The following BTAF1 variants were observed in gnomAD, a reference collection of about 807,000 sequenced individuals.
BTAF1 encodes the protein B-TFIID TATA-box binding protein associated factor 1, also known as TATA-binding protein-associated factor 172.
BTAF1 carries 38 observed loss-of-function variants against 227.1 expected under a neutral mutation model. The observed-to-expected ratio is 0.17, with a 90% CI of 0.13 to 0.22. The LOEUF is 0.22. Among genes scored for constraint, BTAF1 ranks in the 10% least tolerant of loss-of-function variants. The pLI, the probability that BTAF1 is intolerant of heterozygous loss-of-function variation, is 1.00. For missense variants in BTAF1, 1,598 were observed against 2,204.0 expected (o/e 0.73, Z 5.51); for synonymous variants, 742 against 751.9 (o/e 0.99, Z 0.21).
rs1175689657 is a variant in BTAF1 at position 91,982,703 on chromosome 10, C to G, written c.2165C>G (p.Ser722Cys). ...CTACTCTTCCATTTGAACTCCAAGT[C>G]TGCTTTACAGAGGATTAGTGTAGCT... The part of the protein sequence containing the change: ...QLLLFHLNSK[S>C]ALQRISVALV... Residue 722 changes from serine (S) to cysteine (C), a missense_variant, in exon 18 of 38, where the codon TCT becomes TGT. Coordinates refer to ENST00000265990, the MANE Select transcript of BTAF1 (RefSeq NM_003972.3). 4 of 1,613,842 alleles carry G rather than the reference C, an allele frequency of 2.5e-6. No individual in the cohort carries two copies. The highest frequency in any genetic ancestry group is 1.3e-5 in the African/African-American group (1 of 74,906).
chr10:92,013,615 G>A, intron 30 of BTAF1, 52 bp from the exon 31 acceptor site: 1 of 1,608,568 alleles, frequency 6.2e-7, no homozygotes, highest in East Asian at 2.2e-5. Context: ...TACTTTTTTA[G>A]TTGTAAGGAA....
At chr10:91,995,289 T>C (rs1312534084) in intron 23 of BTAF1, among the ~76,000 whole-genome samples, 1 of 152,090 alleles carries the variant, frequency 6.6e-6, no homozygotes, top group South Asian at 2.1e-4. Context: ...AGGGAGAATC[T>C]ATGAGAGGGT....
At chr10:91,955,889 A>T (rs1846053318) in intron 6 of BTAF1, among the ~76,000 whole-genome samples, 1 of 152,138 alleles carries the variant, frequency 6.6e-6, no homozygotes, top group Non-Finnish European at 1.5e-5. Context: ...AGATGGAGAG[A>T]GGGGAGAAGT....
In BTAF1 at chr10:91,962,688, A is replaced by T; in HGVS notation, c.1404+10A>T. ...TCTTCAGACACAAAAGGTAAATTAA[A>T]TATTTTTACAGTTTCTTACTATAGA... On this transcript the variant is annotated intron_variant, in intron 12 of 37. Transcript: ENST00000265990. The T allele has an allele frequency of 1.3e-6, 2 of 1,579,346 alleles. No individual in the cohort carries two copies. Among genetic ancestry groups the T allele is most frequent in the Non-Finnish European group, 1.7e-6 (2 of 1,165,892 alleles).
intron 14 of BTAF1, among the ~76,000 whole-genome samples, chr10:91,967,109 A>G (rs1199225733): frequency 2.6e-5 from 4 of 152,194 alleles, no homozygotes; most frequent in Non-Finnish European, 2.9e-5. Context: ...GGCAGAACCC[A>G]TGGCCCAGGT....
chr10:91,997,017 AG>A, intron 24 of BTAF1: 1 of 873,102 alleles, frequency 1.1e-6, no homozygotes, highest in Non-Finnish European at 1.6e-6. Context: ...AGAAATATAC[AG>A]GCAAGCCCTT....
At chr10:91,947,216 T>C (rs1845432999) in intron 4 of BTAF1, among the ~76,000 whole-genome samples, 1 of 152,226 alleles carries the variant, frequency 6.6e-6, no homozygotes, top group Non-Finnish European at 1.5e-5. Flanking sequence ...ATAAAAGTTT[T>C]AAATTTTTAT....
intron 25 of BTAF1, among the ~76,000 whole-genome samples, chr10:92,001,233 CAG>C (rs1383389428): frequency 6.6e-6 from 1 of 152,180 alleles, no homozygotes; most frequent in East Asian, 1.9e-4. Flanking sequence ...ATTAGCAAAA[CAG>C]AGTACCTGAA....
At chr10:91,947,088 C>T (rs10882006) in intron 4 of BTAF1, among the ~76,000 whole-genome samples, 41,567 of 152,118 alleles carry the variant, frequency 0.27, 6,940 homozygotes, top group Non-Finnish European at 0.38. Context: ...GGTGAACCAC[C>T]GGCCTTGGCT....
At chr10:91,948,633 T>G (rs1036088761) in intron 4 of BTAF1, among the ~76,000 whole-genome samples, 6 of 151,480 alleles carry the variant, frequency 4.0e-5, no homozygotes, top group Non-Finnish European at 8.8e-5. Context: ...TCTCCCACCT[T>G]GGCCTCCCAA....
chr10:91,952,877 T>C (rs549864932), intron 5 of BTAF1, among the ~76,000 whole-genome samples: 1 of 152,196 alleles, frequency 6.6e-6, no homozygotes, highest in South Asian at 2.1e-4. Flanking sequence ...ACAGTATGGG[T>C]AATTGAACAT....
chr10:91,966,909 G>A (rs1846958957), intron 14 of BTAF1, 152 bp downstream of exon 14: 5 of 645,780 alleles, frequency 7.7e-6, no homozygotes, highest in Non-Finnish European at 1.2e-5. Context: ...TATAATCACT[G>A]TAAGAGCAGA....
At chr10:91,996,286 CT>C (rs1246634117) in intron 23 of BTAF1, 82 bp from the exon 24 acceptor site, 21 of 1,242,284 alleles carry the variant, frequency 1.7e-5, no homozygotes, top group Non-Finnish European at 2.1e-5. Flanking sequence ...ATATTGAAAA[CT>C]TTCCTGAGTA....
intron 25 of BTAF1, among the ~76,000 whole-genome samples, chr10:91,998,975 A>G (rs1440278893): frequency 6.6e-6 from 1 of 151,838 alleles, no homozygotes; most frequent in African/African-American, 2.4e-5. Context: ...ATGCAGGAGA[A>G]TCGCTTGAAC....
In BTAF1 at chr10:91,980,478, A is replaced by G. The variant is rs892161542; in HGVS notation, c.1675A>G (p.Ile559Val). Residue 559 changes from isoleucine to valine, a missense_variant, in exon 15 of 38, where the codon ATA becomes GTA. This residue lies in a region of BTAF1 where 318 missense variants were observed against 435.0 expected (regional missense o/e 0.73). Transcript: ENST00000265990. ...DQNSSSWLIP[I>V]LPDMLRHIFQ... ...GAACTCTTCATCTTGGCTTATACCTATACTGCCTGATATGCTCCGACACAT... is the reference window on the plus strand; with the variant it reads ...GAACTCTTCATCTTGGCTTATACCTGTACTGCCTGATATGCTCCGACACAT... 8.7e-6 allele frequency: 14 copies of G among 1,612,926 alleles called. No individual in the cohort carries two copies. Among genetic ancestry groups the G allele is most frequent in the Non-Finnish European group, 1.2e-5 (14 of 1,179,312 alleles).
At chr10:91,966,201 C>T (rs1846899403) in intron 13 of BTAF1, among the ~76,000 whole-genome samples, 1 of 152,116 alleles carries the variant, frequency 6.6e-6, no homozygotes, top group Admixed American at 6.6e-5. Flanking sequence ...AGAGATGGCA[C>T]CAAAGGGAGA....
At chr10:91,957,701 C>G (rs899400568) in intron 8 of BTAF1, among the ~76,000 whole-genome samples, 1 of 152,166 alleles carries the variant, frequency 6.6e-6, no homozygotes, top group South Asian at 2.1e-4. Flanking sequence ...AGTGAAGTTC[C>G]TCTGCTTGAA....
rs530174752 is a variant in BTAF1 at position 91,997,803 on chromosome 10, C to T, written c.3660+52C>T. ...ACATAATGTTTTCTATAACTTGATCCATAATAATTGTAACCCTTTTTAGGG... is the reference window on the plus strand; with the variant it reads ...ACATAATGTTTTCTATAACTTGATCTATAATAATTGTAACCCTTTTTAGGG... On this transcript the variant is annotated intron_variant, in intron 25 of 37. Coordinates refer to ENST00000265990, the MANE Select transcript of BTAF1 (RefSeq NM_003972.3). 6 of 1,580,818 alleles carry T rather than the reference C, an allele frequency of 3.8e-6. No homozygotes were observed. In the Admixed American group the frequency reaches 1.0e-4, roughly 27 times the overall value.
Position 91,956,610 on chromosome 10 carries a change from A to G in BTAF1, c.784A>G (p.Lys262Glu). The stretch of plus-strand genomic sequence containing the variant: ...TATTAATCAGTCTGCAAATGATTCC[A>G]AAGTCTTGATTGATAATATTCCAGA... ...VVINQSANDS[K>E]VLIDNIPDSS... The change falls in exon 7 of 38, where the codon AAA becomes GAA. Residue 262 changes from lysine to glutamate, a missense_variant. This residue lies in a region of BTAF1 where 298 missense variants were observed against 395.2 expected (regional missense o/e 0.75). Transcript: ENST00000265990. 1.2e-6 allele frequency: 2 copies of G among 1,609,720 alleles called. No homozygotes were observed. Among genetic ancestry groups the G allele is most frequent in the Non-Finnish European group, 8.5e-7 (1 of 1,178,612 alleles).
Sources: allele counts gnomAD v4.1 joint callset (sites outside exome capture counted in the v4.1 genomes callset), GRCh38; gene constraint gnomAD v4.1.1; regional missense constraint gnomAD v4.1.1; transcripts MANE v1.5; gene names NCBI Gene and HGNC (gene_info 2026-07-23, HGNC 2026-07-21).